The following RHBDL2 variants were observed in gnomAD, a reference collection of about 807,000 sequenced individuals.
RHBDL2 encodes the protein rhomboid-related protein 2.
In RHBDL2, 26 loss-of-function variants were observed where a neutral mutation model predicts 31.7. The observed-to-expected ratio is 0.82, with a 90% CI of 0.60 to 1.14. The LOEUF (loss-of-function observed/expected upper bound fraction) is 1.14, where lower values mean the gene tolerates loss of function less well. RHBDL2 is among the 50% of genes most tolerant of loss of function. The pLI is 0.00. For synonymous variants in RHBDL2, 123 were observed against 127.2 expected, an observed-to-expected ratio of 0.97 and a Z score of 0.22; for missense variants, 336 against 364.4, an observed-to-expected ratio of 0.92 and a Z score of 0.63.
chr1:38,891,572 G>T (rs577941649), intron 6 of RHBDL2, among the ~76,000 whole-genome samples: 2 of 152,300 alleles, frequency 1.3e-5, no homozygotes, highest in East Asian at 3.9e-4. Flanking sequence ...AGCTCCTGCA[G>T]CAGCTCTGCT....
At position 38,911,816 on chromosome 1, in the gene RHBDL2, C is replaced by CT. The variant is rs913271068; in HGVS notation, c.396-383dup. ...CACCACTCCTGGCTAATTTTTTTTT[C>CT]TTTTTTTTTGGACGAAGTCTCCCTC... On this transcript the variant is annotated intron_variant, in intron 3 of 7. Transcript: ENST00000372990. Among the ~76,000 whole-genome samples the CT allele has an allele frequency of 1.4e-3, 208 of 148,880 alleles. 1 individual carries two copies. The highest frequency in any genetic ancestry group is 4.3e-3 in the African/African-American group (174 of 40,568).
chr1:38,889,177 T>G (rs1267198909), intron 6 of RHBDL2, among the ~76,000 whole-genome samples: 1 of 152,186 alleles, frequency 6.6e-6, no homozygotes, highest in African/African-American at 2.4e-5. Context: ...CACTGCAACC[T>G]CCGCCTCCCA....
At chr1:38,920,031 T>A (rs868175536) in intron 1 of RHBDL2, among the ~76,000 whole-genome samples, 13 of 152,154 alleles carry the variant, frequency 8.5e-5, no homozygotes, top group African/African-American at 1.2e-4. Context: ...CTTACCACAG[T>A]CCCTGGCAAC....
At chr1:38,902,990 C>T (rs893942866) in intron 4 of RHBDL2, among the ~76,000 whole-genome samples, 4 of 152,126 alleles carry the variant, frequency 2.6e-5, no homozygotes, top group Non-Finnish European at 5.9e-5. Context: ...GTACAGACAA[C>T]ATAATAATCT....
intron 6 of RHBDL2, among the ~76,000 whole-genome samples, chr1:38,888,237 A>C (rs967473246): frequency 6.6e-6 from 1 of 152,124 alleles, no homozygotes; most frequent in African/African-American, 2.4e-5. Flanking sequence ...AGATTTATTC[A>C]TCCAACAAGC....
chr1:38,886,849 CAG>C (rs1642791385), intron 7 of RHBDL2, among the ~76,000 whole-genome samples, 166 bp from the exon 8 acceptor site: 1 of 152,162 alleles, frequency 6.6e-6, no homozygotes, highest in African/African-American at 2.4e-5. Context: ...TCCATGTGCA[CAG>C]AGAGAAGGAG....
chr1:38,921,674 G>C (rs749840516), intron 1 of RHBDL2, among the ~76,000 whole-genome samples: 9 of 152,058 alleles, frequency 5.9e-5, no homozygotes, highest in Non-Finnish European at 1.0e-4. Flanking sequence ...TGAAAATAAA[G>C]GCTTTTTCTC....
chr1:38,928,788 T>C (rs112431167), intron 1 of RHBDL2, among the ~76,000 whole-genome samples: 8,511 of 152,074 alleles, frequency 0.056, 372 homozygotes, highest in East Asian at 0.2. Context: ...GGGCCAGGCA[T>C]GGTGGCTCAT....
chr1:38,902,522 C>T (rs751888541), intron 4 of RHBDL2, among the ~76,000 whole-genome samples: 11 of 150,930 alleles, frequency 7.3e-5, no homozygotes, highest in Non-Finnish European at 1.5e-4. Context: ...CAGGTTTAAG[C>T]GATTCTCCTG....
At chr1:38,888,133 TAACTC>T (rs1642809847) in intron 6 of RHBDL2, 109 bp from the exon 7 acceptor site, 1 of 683,868 alleles carries the variant, frequency 1.5e-6, no homozygotes, top group African/African-American at 1.8e-5. Context: ...TATTGATACT[TAACTC>T]TGTGACAGGT....
Position 38,896,068 on chromosome 1 carries a change from C to T in RHBDL2, c.510G>A (p.Gly170=), listed in dbSNP as rs1642916081. 2.5e-6 allele frequency: 4 copies of T among 1,609,178 alleles called. No homozygotes were observed. The African/African-American group carries it at 5.4e-5, about 22-fold the overall frequency. ...GLVYLAGVIA[G]SLASSIFDPL... is the part of the protein sequence containing the mutation. ...GGTCAAAGATGGAGCTGGCAAGGGA[C>T]CCTAAAGAAATAAAACACAAAGGAT... Residue 170 remains glycine, a splice_region_variant and synonymous_variant, in exon 5 of 8, where the codon GGG becomes GGA. Coordinates refer to ENST00000372990, the MANE Select transcript of RHBDL2 (RefSeq NM_017821.5).
intron 1 of RHBDL2, among the ~76,000 whole-genome samples, chr1:38,941,218 C>T (rs1261836661): frequency 1.3e-5 from 2 of 152,190 alleles, no homozygotes; most frequent in African/African-American, 4.8e-5. Context: ...AAACAAATAA[C>T]TCTGGAGGAG....
At chr1:38,909,251 G>A (rs1199678295) in intron 4 of RHBDL2, among the ~76,000 whole-genome samples, 2 of 152,050 alleles carry the variant, frequency 1.3e-5, no homozygotes, top group Admixed American at 1.3e-4. Flanking sequence ...ACCTAGTTCC[G>A]TGGGCACAGG....
intron 2 of RHBDL2, 113 bp from the exon 3 acceptor site, chr1:38,915,823 C>G: frequency 1.1e-6 from 1 of 923,842 alleles, no homozygotes; most frequent in South Asian, 1.5e-5. Context: ...TGGGCCACAC[C>G]ATAGTGCCAG....
chr1:38,935,910 G>A (rs373796552), intron 1 of RHBDL2, among the ~76,000 whole-genome samples: 2 of 151,638 alleles, frequency 1.3e-5, no homozygotes, highest in African/African-American at 2.4e-5. Context: ...CACCACACCC[G>A]GCCCTATTTG....
At position 38,919,191 on chromosome 1, in the gene RHBDL2, C is replaced by G; in HGVS notation, c.22G>C (p.Glu8Gln). Reference protein sequence around the residue: MAAVHDLEMESMNLNMGR... With the variant: MAAVHDLQMESMNLNMGR... Reference sequence around the variant, plus strand: ...ATATTCAGATTCATGCTCTCCATCTCCAGATCATGAACAGCAGCCATTGTC... The same window carrying G: ...ATATTCAGATTCATGCTCTCCATCTGCAGATCATGAACAGCAGCCATTGTC... The change falls in exon 2 of 8, where the codon GAG becomes CAG. Residue 8 changes from glutamate (E) to glutamine (Q), a missense_variant. Physicochemically the swap from Glu to Gln is conservative, Grantham distance 29. Coordinates refer to ENST00000372990, the MANE Select transcript of RHBDL2 (RefSeq NM_017821.5). 1 of 1,614,134 alleles carries G rather than the reference C, an allele frequency of 6.2e-7. No individual in the cohort carries two copies. Among genetic ancestry groups the G allele is most frequent in the Non-Finnish European group, 8.5e-7 (1 of 1,180,022 alleles).
chr1:38,938,819 C>T (rs1390106587), intron 1 of RHBDL2, among the ~76,000 whole-genome samples: 1 of 152,176 alleles, frequency 6.6e-6, no homozygotes, highest in Non-Finnish European at 1.5e-5. Context: ...GCATCAATGT[C>T]TTCTTTGTAT....
intron 1 of RHBDL2, among the ~76,000 whole-genome samples, chr1:38,923,090 C>CA (rs1052426753): frequency 2.7e-5 from 4 of 146,524 alleles, no homozygotes; most frequent in African/African-American, 7.6e-5. Context: ...AACTCCATCT[C>CA]AAAAAAAAGA....
intron 1 of RHBDL2, among the ~76,000 whole-genome samples, chr1:38,938,082 A>T (rs971632817): frequency 2.0e-5 from 3 of 151,846 alleles, no homozygotes; most frequent in Admixed American, 6.6e-5. Context: ...CAGCGGCACA[A>T]TCTTGACTCA....
Sources: gnomAD v4.1 joint callset for allele counts (sites outside exome capture counted in the v4.1 genomes callset) on GRCh38, gnomAD v4.1.1 for gene constraint, MANE v1.5 for transcripts, NCBI Gene and HGNC (gene_info 2026-07-23, HGNC 2026-07-21) for gene names.